The following HSD17B12 variants were observed in gnomAD, a reference collection of about 807,000 sequenced individuals.
The protein encoded by HSD17B12 is very-long-chain 3-oxoacyl-CoA reductase.
HSD17B12 carries 32 observed loss-of-function variants against 39.3 expected under a neutral mutation model. The ratio of observed to expected loss-of-function variants is 0.81; its 90% CI spans 0.61 to 1.09. The LOEUF is 1.09. Among genes scored for constraint, HSD17B12 ranks in the 50% least tolerant of loss-of-function variants. The pLI is 0.00. For synonymous variants in HSD17B12, 150 were observed against 146.7 expected (o/e 1.02, Z -0.16); for missense variants, 342 against 382.9 (o/e 0.89, Z 0.89).
At chr11:43,768,883 G>C (rs540462972) in intron 3 of HSD17B12, among the ~76,000 whole-genome samples, 1 of 152,280 alleles carries the variant, frequency 6.6e-6, no homozygotes, top group East Asian at 1.9e-4. Flanking sequence ...GTGCTGATTG[G>C]TCCATTTTTA....
chr11:43,757,659 A>AAAAAC (rs1950521528), intron 3 of HSD17B12, among the ~76,000 whole-genome samples: 1 of 143,884 alleles, frequency 7.0e-6, no homozygotes, highest in Admixed American at 6.9e-5. Context: ...AAAAAAAAAA[A>AAAAAC]AAAAAAAACA....
chr11:43,845,793 T>C (rs901664191), intron 9 of HSD17B12, among the ~76,000 whole-genome samples: 6 of 152,206 alleles, frequency 3.9e-5, no homozygotes, highest in African/African-American at 1.4e-4. Flanking sequence ...TTATTTCCCT[T>C]GCACTAACAA....
the HSD17B12 span, among the ~76,000 whole-genome samples, chr11:43,621,839 A>C: frequency 6.6e-6 from 1 of 152,278 alleles, no homozygotes; most frequent in African/African-American, 2.4e-5. Context: ...TGTTGATAGA[A>C]AAAGTCTTTC....
intron 1 of HSD17B12, among the ~76,000 whole-genome samples, chr11:43,738,970 G>A (rs1346329987): frequency 6.6e-6 from 1 of 152,232 alleles, no homozygotes; most frequent in African/African-American, 2.4e-5. Flanking sequence ...AAAGTTCACT[G>A]GCTTTGGGTA....
chr11:43,660,378 T>TA, the HSD17B12 span, among the ~76,000 whole-genome samples: 1 of 152,210 alleles, frequency 6.6e-6, no homozygotes, highest in Non-Finnish European at 1.5e-5. Flanking sequence ...CAAACTAAGA[T>TA]AAACAAATGT....
intron 1 of HSD17B12, among the ~76,000 whole-genome samples, chr11:43,686,861 G>T (rs878963073): frequency 3.9e-5 from 6 of 152,150 alleles, no homozygotes; most frequent in Admixed American, 3.3e-4. Context: ...CCAGGGTAGG[G>T]TTTAGAAGAA....
chr11:43,805,283 T>G (rs1302400450), intron 4 of HSD17B12, among the ~76,000 whole-genome samples: 1 of 152,170 alleles, frequency 6.6e-6, no homozygotes, highest in African/African-American at 2.4e-5. Flanking sequence ...GCACCTGTTA[T>G]TTAATTCTTA....
chr11:43,656,141 T>C, the HSD17B12 span, among the ~76,000 whole-genome samples: 75 of 152,324 alleles, frequency 4.9e-4, no homozygotes, highest in Middle Eastern at 3.4e-3. Flanking sequence ...TGGGAGAGTG[T>C]ATGTGTCAAG....
At chr11:43,641,558 A>T in the HSD17B12 span, among the ~76,000 whole-genome samples, 1,484 of 152,066 alleles carry the variant, frequency 9.8e-3, 16 homozygotes, top group Non-Finnish European at 0.017. Context: ...TTTGGTATAT[A>T]CTCACATGCT....
the HSD17B12 span, among the ~76,000 whole-genome samples, chr11:43,640,468 T>G: frequency 6.6e-6 from 1 of 152,126 alleles, no homozygotes; most frequent in Non-Finnish European, 1.5e-5. Context: ...CATTTCCATC[T>G]TAGAGTATGT....
At chr11:43,741,423 A>G (rs938541699) in intron 1 of HSD17B12, among the ~76,000 whole-genome samples, 1 of 152,122 alleles carries the variant, frequency 6.6e-6, no homozygotes, top group Non-Finnish European at 1.5e-5. Flanking sequence ...CTCAGTTTAC[A>G]CCATTTTTCT....
the HSD17B12 span, among the ~76,000 whole-genome samples, chr11:43,621,194 T>G: frequency 7.2e-5 from 11 of 152,182 alleles, no homozygotes; most frequent in African/African-American, 2.4e-4. Flanking sequence ...TGACATGCTT[T>G]TTCCTAGTTC....
chr11:43,696,628 A>G (rs532798405), intron 1 of HSD17B12, among the ~76,000 whole-genome samples: 7 of 152,342 alleles, frequency 4.6e-5, no homozygotes, highest in African/African-American at 1.7e-4. Flanking sequence ...AGGATCTAGA[A>G]CCAGAAATAC....
intron 1 of HSD17B12, among the ~76,000 whole-genome samples, chr11:43,715,639 T>A (rs968259132): frequency 2.6e-5 from 4 of 152,136 alleles, no homozygotes; most frequent in Admixed American, 6.5e-5. Context: ...GCTGGCCTCA[T>A]AAAATGAGTT....
At chr11:43,836,787 C>T (rs2135123717) in intron 7 of HSD17B12, among the ~76,000 whole-genome samples, 1 of 152,158 alleles carries the variant, frequency 6.6e-6, no homozygotes, top group Non-Finnish European at 1.5e-5. Flanking sequence ...TGCTAATTTA[C>T]CAGTTTTTAT....
the HSD17B12 span, chr11:43,579,082 G>A: frequency 7.0e-6 from 1 of 142,674 alleles, no homozygotes; most frequent in Non-Finnish European, 1.5e-5. Context: ...TGGGGGGCGG[G>A]GGGGCACCAA....
chr11:43,855,981 A>G lies in HSD17B12; in HGVS notation c.*733A>G, dbSNP rs908347374. 6.6e-6 allele frequency: 1 copy of G among 152,178 alleles called. No homozygotes were observed. The highest frequency in any genetic ancestry group is 1.5e-5 in the Non-Finnish European group (1 of 67,988). The allele number at this position is 152,178 out of a possible 1,614,324, so 9.4% of individuals were successfully genotyped here. On this transcript the variant is annotated 3_prime_UTR_variant, in exon 11 of 11. Transcript: ENST00000278353. Reference sequence around the variant, plus strand: ...TGTACATTGAGACTGGCAGCCATCTATGGTACCACTGAAACCCTGACCCAG... The same window carrying G: ...TGTACATTGAGACTGGCAGCCATCTGTGGTACCACTGAAACCCTGACCCAG...
At chr11:43,650,528 G>C in the HSD17B12 span, among the ~76,000 whole-genome samples, 1 of 152,136 alleles carries the variant, frequency 6.6e-6, no homozygotes, top group Non-Finnish European at 1.5e-5. Context: ...ATATAGAGTG[G>C]TGGAGCCGTT....
chr11:43,599,630 G>T, the HSD17B12 span, among the ~76,000 whole-genome samples: 1 of 152,004 alleles, frequency 6.6e-6, no homozygotes, highest in East Asian at 1.9e-4. Context: ...GTGTCAAAAG[G>T]TTATTTCTTT....
Sources: allele counts gnomAD v4.1 joint callset (sites outside exome capture counted in the v4.1 genomes callset), GRCh38; gene constraint gnomAD v4.1.1; transcripts MANE v1.5; gene names NCBI Gene and HGNC (gene_info 2026-07-23, HGNC 2026-07-21).